IGF2BP2: variants seen among roughly 807,000 people sequenced by gnomAD.
The protein encoded by IGF2BP2 is insulin like growth factor 2 mRNA binding protein 2.
In IGF2BP2, 17 loss-of-function variants were observed where a neutral mutation model predicts 75.8. That is an observed-to-expected ratio of 0.22 (90% CI 0.15 to 0.34). The LOEUF is 0.34. Among genes scored for constraint, IGF2BP2 ranks in the 10% least tolerant of loss-of-function variants. IGF2BP2 has a pLI of 1.00. For missense variants in IGF2BP2, 516 were observed against 772.4 expected (o/e 0.67, Z 3.93); for synonymous variants, 288 against 295.6 (o/e 0.97, Z 0.26).
At chr3:185,711,790 T>C (rs1724837312) in intron 2 of IGF2BP2, among the ~76,000 whole-genome samples, 1 of 152,186 alleles carries the variant, frequency 6.6e-6, no homozygotes, top group South Asian at 2.1e-4. Flanking sequence ...CTTAGCAGCA[T>C]GATTGAGAGA....
At chr3:185,760,560 C>T (rs186040718) in intron 2 of IGF2BP2, among the ~76,000 whole-genome samples, 111 of 152,306 alleles carry the variant, frequency 7.3e-4, no homozygotes, top group African/African-American at 2.2e-3. Flanking sequence ...CAGCCTCGCC[C>T]CTTCCCGGCC....
At chr3:185,783,288 G>A (rs1326331208) in intron 2 of IGF2BP2, among the ~76,000 whole-genome samples, 1 of 152,190 alleles carries the variant, frequency 6.6e-6, no homozygotes, top group Non-Finnish European at 1.5e-5. Flanking sequence ...TCTGCTCTGA[G>A]AAGGTCATGG....
intron 2 of IGF2BP2, among the ~76,000 whole-genome samples, chr3:185,770,115 G>A (rs1165049212): frequency 6.6e-6 from 1 of 152,148 alleles, no homozygotes; most frequent in Non-Finnish European, 1.5e-5. Flanking sequence ...TGTCCTCAAG[G>A]AAGCAGAACT....
intron 2 of IGF2BP2, among the ~76,000 whole-genome samples, chr3:185,700,005 C>T (rs1438272034): frequency 2.6e-5 from 4 of 152,006 alleles, no homozygotes; most frequent in African/African-American, 4.8e-5. Flanking sequence ...ATGTTAGAGA[C>T]GTTGTTTTAA....
intron 2 of IGF2BP2, among the ~76,000 whole-genome samples, chr3:185,818,019 T>C (rs1233290061): frequency 6.6e-6 from 1 of 152,200 alleles, no homozygotes; most frequent in Non-Finnish European, 1.5e-5. Flanking sequence ...TTTTGTGATG[T>C]TTAAATATAA....
rs1416674839 is a variant in IGF2BP2, at chr3:185,644,472, T to C, written c.*1059A>G. 2.0e-5 allele frequency: 3 copies of C among 152,460 alleles called. No homozygotes were observed. Among genetic ancestry groups the C allele is most frequent in the Non-Finnish European group, 4.4e-5 (3 of 68,020 alleles). The allele number at this position is 152,460 out of a possible 1,614,324, so 9.4% of individuals were successfully genotyped here. On this transcript the variant is annotated 3_prime_UTR_variant, in exon 16 of 16. Coordinates refer to ENST00000382199, the MANE Select transcript of IGF2BP2 (RefSeq NM_006548.6). Reference sequence around the variant, plus strand: ...TTCCTGTTTTCCTCTTCCAAAACGCTAGGACAAGTACCATTGACTCTTGTT... The same window carrying C: ...TTCCTGTTTTCCTCTTCCAAAACGCCAGGACAAGTACCATTGACTCTTGTT...
intron 2 of IGF2BP2, among the ~76,000 whole-genome samples, chr3:185,822,546 A>T (rs552877404): frequency 3.3e-4 from 51 of 152,346 alleles, no homozygotes; most frequent in Non-Finnish European, 6.0e-4. Flanking sequence ...TTTTAGCCGC[A>T]AACATTTCTT....
chr3:185,687,088 T>C lies in IGF2BP2; in HGVS notation c.781A>G (p.Ile261Val), dbSNP rs763538709. The C allele has an allele frequency of 3.1e-6, 5 of 1,613,544 alleles. No individual in the cohort carries two copies. In the Admixed American group the frequency reaches 8.3e-5, roughly 27 times the overall value. ...TSEACRMILE[I>V]MQKEADETKL... ...GTCTCATCTGCCTCTTTCTGCATGA[T>C]TTCAAGAATCATGCGGCATGCTTCA... Residue 261 changes from isoleucine (I) to valine (V), a missense_variant, in exon 7 of 16, where the codon ATC (isoleucine) becomes GTC (valine). Ile to Val is a conservative substitution (Grantham distance 29). This residue lies in a region of IGF2BP2 where 312 missense variants were observed against 474.5 expected (regional missense o/e 0.66). Transcript: ENST00000382199.
chr3:185,701,546 G>A (rs983592994), intron 2 of IGF2BP2, among the ~76,000 whole-genome samples: 5 of 151,972 alleles, frequency 3.3e-5, no homozygotes, highest in Non-Finnish European at 5.9e-5. Flanking sequence ...AACACTTCAC[G>A]GTGCAAAAGT....
intron 2 of IGF2BP2, among the ~76,000 whole-genome samples, chr3:185,771,876 C>A (rs1224960699): frequency 6.6e-6 from 1 of 152,116 alleles, no homozygotes; most frequent in East Asian, 1.9e-4. Context: ...GGCTATGCAG[C>A]TCACACGGCC....
intron 2 of IGF2BP2, among the ~76,000 whole-genome samples, chr3:185,772,580 T>TC (rs1362294394): frequency 9.1e-5 from 13 of 142,962 alleles, no homozygotes; most frequent in Non-Finnish European, 1.7e-4. Context: ...TCTCTCTCTT[T>TC]TTTTTTTTTT....
chr3:185,806,221 A>G (rs555025630), intron 2 of IGF2BP2, among the ~76,000 whole-genome samples: 16 of 152,374 alleles, frequency 1.1e-4, no homozygotes, highest in Admixed American at 4.6e-4. Context: ...GTTTTGTGAA[A>G]AAATATTTCA....
At chr3:185,680,855 G>A (rs1274739719) in intron 7 of IGF2BP2, among the ~76,000 whole-genome samples, 1 of 152,100 alleles carries the variant, frequency 6.6e-6, no homozygotes, top group Non-Finnish European at 1.5e-5. Flanking sequence ...ACATGATCAT[G>A]TCATTAGAAA....
chr3:185,665,344 A>AGGAGGAGGAGGAGGAGG (rs1717237907), intron 10 of IGF2BP2, among the ~76,000 whole-genome samples: 1 of 43,220 alleles, frequency 2.3e-5, no homozygotes, highest in African/African-American at 1.1e-4. Context: ...GGAGGAGGAG[A>AGGAGGAGGAGGAGGAGG]AGGAGGAGGA....
chr3:185,672,417 A>T, intron 10 of IGF2BP2, 124 bp downstream of exon 10: 1 of 970,000 alleles, frequency 1.0e-6, no homozygotes, highest in African/African-American at 1.7e-5. Flanking sequence ...CCTACATTGG[A>T]TTCATCTCTA....
At chr3:185,745,674 C>G (rs1730161386) in intron 2 of IGF2BP2, among the ~76,000 whole-genome samples, 1 of 152,192 alleles carries the variant, frequency 6.6e-6, no homozygotes, top group Admixed American at 6.5e-5. Flanking sequence ...TTCACTGAAG[C>G]AGGAAACCAT....
intron 2 of IGF2BP2, among the ~76,000 whole-genome samples, chr3:185,803,791 TCAATATAAA>T (rs1255653920): frequency 1.3e-5 from 2 of 152,134 alleles, no homozygotes; most frequent in African/African-American, 2.4e-5. Context: ...AACAAAGGAA[TCAATATAAA>T]CAAGATCATA....
intron 10 of IGF2BP2, among the ~76,000 whole-genome samples, chr3:185,663,023 G>A (rs1368223085): frequency 1.3e-5 from 2 of 152,176 alleles, no homozygotes; most frequent in Non-Finnish European, 1.5e-5. Context: ...AGCCTCAAAT[G>A]GAAGGGGGCT....
At chr3:185,819,985 G>A (rs553256678) in intron 2 of IGF2BP2, among the ~76,000 whole-genome samples, 11 of 151,994 alleles carry the variant, frequency 7.2e-5, no homozygotes, top group Non-Finnish European at 1.5e-4. Context: ...CACAATTACT[G>A]ATTTTTAACT....
Sources: allele counts gnomAD v4.1 joint callset (sites outside exome capture counted in the v4.1 genomes callset), GRCh38; gene constraint gnomAD v4.1.1; regional missense constraint gnomAD v4.1.1; transcripts MANE v1.5; gene names NCBI Gene and HGNC (gene_info 2026-07-23, HGNC 2026-07-21).